MINK1: variants seen among roughly 807,000 people sequenced by gnomAD.
MINK1 encodes misshapen-like kinase 1.
A neutral mutation model predicts 178.4 loss-of-function variants in MINK1; 46 were observed. That is an observed-to-expected ratio of 0.26 (90% CI 0.20 to 0.33). MINK1 has a LOEUF of 0.33. Ranked by LOEUF, MINK1 falls within the 10% of genes least tolerant of loss-of-function variation. The pLI, the probability that MINK1 is intolerant of heterozygous loss-of-function variation, is 1.00. For synonymous variants in MINK1, 797 were observed against 709.7 expected (o/e 1.12, Z -1.96); for missense variants, 1,366 against 1,814.9 (o/e 0.75, Z 4.49).
chr17:4,885,803 A>C lies in MINK1; in HGVS notation c.640-108A>C. On this transcript the variant is annotated intron_variant, in intron 7 of 31. Coordinates refer to ENST00000355280, the MANE Select transcript of MINK1 (RefSeq NM_153827.5). This position sits in a 1 kb window ranked among gnomAD's most constrained non-coding sequence, Gnocchi z 5.0. ...TGGGTTGGAAGGCACTGCTGCAGGA[A>C]TGGGTGTGGCCCAGGAAGGCTCCTG... 7.0e-7 allele frequency: 1 copy of C among 1,428,860 alleles called. No individual in the cohort carries two copies. The highest frequency in any genetic ancestry group is 9.7e-7 in the Non-Finnish European group (1 of 1,034,798). 88.5% of individuals were successfully genotyped at this position (1,428,860 alleles called of 1,614,324 possible).
chr17:4,833,573 C>T lies in MINK1; in HGVS notation c.-11C>T, dbSNP rs1009937422. 4 of 1,498,394 alleles carry T rather than the reference C, an allele frequency of 2.7e-6. No individual in the cohort carries two copies. Among genetic ancestry groups the T allele is most frequent in the Non-Finnish European group, 3.5e-6 (4 of 1,129,638 alleles). The allele number at this position is 1,498,394 out of a possible 1,614,324, so 92.8% of individuals were successfully genotyped here. The stretch of plus-strand genomic sequence containing the variant: ...GTGAGCGGCCCCGGTGCCCCGTTCC[C>T]CACGGAGGCCATGGGCGACCCAGCC... On this transcript the variant is annotated 5_prime_UTR_variant, in exon 1 of 32. Coordinates refer to ENST00000355280, the MANE Select transcript of MINK1 (RefSeq NM_153827.5). This position sits in a 1 kb window ranked among gnomAD's most constrained non-coding sequence, Gnocchi z 4.8.
At chr17:4,857,320 C>G (rs886864384) in intron 1 of MINK1, 5 of 172,708 alleles carry the variant, frequency 2.9e-5, no homozygotes, top group Non-Finnish European at 6.3e-5. Flanking sequence ...ACCATGGTGG[C>G]CATAGCACCC....
chr17:4,867,229 G>A (rs1409759788), intron 1 of MINK1, among the ~76,000 whole-genome samples: 2 of 139,548 alleles, frequency 1.4e-5, no homozygotes, highest in Non-Finnish European at 3.0e-5. Context: ...CTCACTGTAG[G>A]CTCATCCTCC....
intron 1 of MINK1, among the ~76,000 whole-genome samples, chr17:4,848,317 T>C (rs1911352156): frequency 6.6e-6 from 1 of 152,204 alleles, no homozygotes; most frequent in Non-Finnish European, 1.5e-5. Flanking sequence ...TTCTGTCACT[T>C]ACTACGTGTT....
rs1264462493 is a variant in MINK1, at chr17:4,833,614, G to A, written c.31G>A (p.Asp11Asn). The A allele has an allele frequency of 2.0e-6, 3 of 1,501,580 alleles. No individual in the cohort carries two copies. In the Admixed American group the frequency reaches 6.3e-5, roughly 31 times the overall value. 93.0% of individuals were successfully genotyped at this position (1,501,580 alleles called of 1,614,324 possible). The change falls in exon 1 of 32, where the codon GAC becomes AAC. Residue 11 changes from aspartate (D) to asparagine (N), a missense_variant. Around this residue, in one of 14 missense-constraint regions of MINK1, gnomAD observed 22 missense variants for 21.7 expected, o/e 1.01. Coordinates refer to ENST00000355280, the MANE Select transcript of MINK1 (RefSeq NM_153827.5). The surrounding 1 kb of genome is among the most constrained non-coding windows in gnomAD (Gnocchi z 4.8). ...CGACCCAGCCCCCGCCCGCAGCCTGGACGACATCGACCTGTCCGCCCTGCG... is the reference window on the plus strand; with the variant it reads ...CGACCCAGCCCCCGCCCGCAGCCTGAACGACATCGACCTGTCCGCCCTGCG... MGDPAPARSLDDIDLSALRDP... is the reference protein window; with the variant it reads MGDPAPARSLNDIDLSALRDP...
chr17:4,887,243 G>A lies in MINK1; in HGVS notation c.1019+64G>A, dbSNP rs556601833. 83 of 1,502,188 alleles carry A rather than the reference G, an allele frequency of 5.5e-5. No homozygotes were observed. The South Asian group carries it at 9.7e-4, about 18-fold the overall frequency. The allele number at this position is 1,502,188 out of a possible 1,614,324, so 93.1% of individuals were successfully genotyped here. A position where few individuals can be genotyped will look rare whatever the true frequency, so the allele number is the denominator to read the frequency against. Reference sequence around the variant, plus strand: ...CGCTGAGTGGGGGGACTACAGTGGTGCTTGGCTTTGGGGACTCTCAGCCTG... The same window carrying A: ...CGCTGAGTGGGGGGACTACAGTGGTACTTGGCTTTGGGGACTCTCAGCCTG... On this transcript the variant is annotated intron_variant, in intron 11 of 31. Transcript: ENST00000355280. This position sits in a 1 kb window ranked among gnomAD's most constrained non-coding sequence, Gnocchi z 7.6.
At chr17:4,844,605 T>C (rs1910731319) in intron 1 of MINK1, 1 of 505,570 alleles carries the variant, frequency 2.0e-6, no homozygotes, top group East Asian at 5.6e-5. Flanking sequence ...GGGTTGGCAC[T>C]GGGGAGCACA....
chr17:4,857,150 A>G (rs942669543), intron 1 of MINK1: 1 of 258,380 alleles, frequency 3.9e-6, no homozygotes, highest in Middle Eastern at 8.8e-4. Context: ...GGGAGTTGGC[A>G]GGGGGGACAG....
At chr17:4,891,774 G>A in intron 16 of MINK1, 58 bp downstream of exon 16, 1 of 1,523,774 alleles carries the variant, frequency 6.6e-7, no homozygotes, top group Non-Finnish European at 8.8e-7. Flanking sequence ...AAGAGAAGGA[G>A]GGCAGTGAAG....
intron 1 of MINK1, among the ~76,000 whole-genome samples, chr17:4,849,881 C>T (rs945219091): frequency 1.3e-5 from 2 of 152,120 alleles, no homozygotes; most frequent in African/African-American, 4.8e-5. Flanking sequence ...CTGGTCTCAG[C>T]TTAAACATCA....
rs1567626511 is a variant in MINK1 at position 4,895,960 on chromosome 17, CAAG to C, written c.3365-39_3365-37del. ...AGACCACGGGGAGGCGCCCGTGGCGCAAGAAGGGAAGTCTCAGCATCCCTCTTC... is the reference window on the plus strand; with the variant it reads ...AGACCACGGGGAGGCGCCCGTGGCGCAAGGGAAGTCTCAGCATCCCTCTTC... On this transcript the variant is annotated intron_variant, in intron 27 of 31. Transcript: ENST00000355280. This position sits in a 1 kb window ranked among gnomAD's most constrained non-coding sequence, Gnocchi z 4.3. 1 of 1,570,414 alleles carries C rather than the reference CAAG, an allele frequency of 6.4e-7. No individual in the cohort carries two copies. The highest frequency in any genetic ancestry group is 1.2e-5 in the South Asian group (1 of 85,844).
chr17:4,842,076 T>G (rs557568219), intron 1 of MINK1, among the ~76,000 whole-genome samples: 3 of 151,758 alleles, frequency 2.0e-5, no homozygotes, highest in African/African-American at 7.3e-5. Context: ...AAAAAAAAAT[T>G]AGCCGGGCGC....
At chr17:4,840,505 T>C (rs1018827336) in intron 1 of MINK1, among the ~76,000 whole-genome samples, 24 of 150,378 alleles carry the variant, frequency 1.6e-4, no homozygotes, top group Admixed American at 8.6e-4. Flanking sequence ...CCTGGGTCTG[T>C]AGTTTAGATG....
At position 4,833,484 on chromosome 17, in the gene MINK1, G is replaced by GC; in HGVS notation, c.-95dup. The GC allele has an allele frequency of 9.8e-7, 1 of 1,019,342 alleles. No homozygotes were observed. Among genetic ancestry groups the GC allele is most frequent in the Admixed American group, 2.7e-5 (1 of 37,056 alleles). The allele number at this position is 1,019,342 out of a possible 1,614,324, so 63.1% of individuals were successfully genotyped here. On this transcript the variant is annotated 5_prime_UTR_variant, in exon 1 of 32. Transcript: ENST00000355280. The surrounding 1 kb of genome is among the most constrained non-coding windows in gnomAD (Gnocchi z 4.8). ...CTCCGGGGGAGGCGCGGTGGAGTCCGCCCCCGGGGTTCTCCGATGGGGGAG... is the reference window on the plus strand; with the variant it reads ...CTCCGGGGGAGGCGCGGTGGAGTCCGCCCCCCGGGGTTCTCCGATGGGGGAG...
intron 1 of MINK1, among the ~76,000 whole-genome samples, chr17:4,869,821 G>GTTTGTTTA (rs1220978949): frequency 6.6e-4 from 92 of 139,292 alleles, no homozygotes; most frequent in South Asian, 4.5e-4. Context: ...TATTTTATTT[G>GTTTGTTTA]TTTATTTATT....
Position 4,889,763 on chromosome 17 carries a change from G to T in MINK1, c.1347G>T (p.Gln449His). The T allele has an allele frequency of 6.5e-7, 1 of 1,533,322 alleles. No individual in the cohort carries two copies. 95.0% of individuals were successfully genotyped at this position (1,533,322 alleles called of 1,614,324 possible). A position where few individuals can be genotyped will look rare whatever the true frequency, so the allele number is the denominator to read the frequency against. Residue 449 changes from glutamine (Q) to histidine (H), a missense_variant and splice_region_variant, in exon 13 of 32, where the codon CAG becomes CAT. This residue lies in a region of MINK1 where 87 missense variants were observed against 78.9 expected (regional missense o/e 1.10). Coordinates refer to ENST00000355280, the MANE Select transcript of MINK1 (RefSeq NM_153827.5). ...AGCGGCGGCAGGCGGAGCGCGAGCAGGTAGAGCGCCGCACCCGCATCCCTG... is the reference window on the plus strand; with the variant it reads ...AGCGGCGGCAGGCGGAGCGCGAGCATGTAGAGCGCCGCACCCGCATCCCTG... ...EEERRQAEREQEYKRKQLEEQ... is the reference protein window; with the variant it reads ...EEERRQAEREHEYKRKQLEEQ...
chr17:4,881,828 G>A (rs761394087), intron 4 of MINK1, among the ~76,000 whole-genome samples: 14 of 152,228 alleles, frequency 9.2e-5, no homozygotes, highest in Non-Finnish European at 1.9e-4. Context: ...CCCTAGCCTG[G>A]GCACTGGTGC....
At chr17:4,857,587 C>T (rs1032115570) in intron 1 of MINK1, among the ~76,000 whole-genome samples, 1 of 151,532 alleles carries the variant, frequency 6.6e-6, no homozygotes, top group African/African-American at 2.4e-5. Flanking sequence ...ATGCCTCAGC[C>T]TCCCGAGTAG....
intron 1 of MINK1, among the ~76,000 whole-genome samples, chr17:4,848,277 C>T (rs1053726960): frequency 2.6e-5 from 4 of 152,156 alleles, no homozygotes; most frequent in African/African-American, 9.7e-5. Flanking sequence ...ACTGCACAGA[C>T]CTTGGAGACA....
Sources: gnomAD v4.1 joint callset for allele counts (sites outside exome capture counted in the v4.1 genomes callset) on GRCh38, gnomAD v4.1.1 for gene constraint, gnomAD v4.1.1 regional missense constraint, Gnocchi (gnomAD v3.1) non-coding constraint, MANE v1.5 for transcripts, NCBI Gene and HGNC (gene_info 2026-07-23, HGNC 2026-07-21) for gene names.